The following CEP120 variants were observed in gnomAD, a reference collection of about 807,000 sequenced individuals.
The protein encoded by CEP120 is centrosomal protein of 120 kDa.
In CEP120, 113 loss-of-function variants were observed where a neutral mutation model predicts 126.5. That is an observed-to-expected ratio of 0.89 (90% CI 0.77 to 1.04). The LOEUF is 1.04. Ranked by LOEUF, CEP120 falls within the 50% of genes least tolerant of loss-of-function variation. The pLI, the probability that CEP120 is intolerant of heterozygous loss-of-function variation, is 0.00. For synonymous variants in CEP120, 400 were observed against 394.3 expected (o/e 1.01, Z -0.17); for missense variants, 1,230 against 1,155.7 (o/e 1.06, Z -0.93).
intron 5 of CEP120, among the ~76,000 whole-genome samples, chr5:123,394,504 T>G (rs1362085465): frequency 6.6e-6 from 1 of 152,170 alleles, no homozygotes; most frequent in East Asian, 1.9e-4. Flanking sequence ...TAATGCTCAC[T>G]TGCCCGCTGC....
intron 18 of CEP120, among the ~76,000 whole-genome samples, chr5:123,360,200 T>C (rs539627268): frequency 2.0e-5 from 3 of 152,098 alleles, no homozygotes. Flanking sequence ...AATGTGTTTT[T>C]AATAAAAAGT....
intron 4 of CEP120, among the ~76,000 whole-genome samples, chr5:123,406,587 A>G (rs549451821): frequency 8.2e-5 from 3 of 36,492 alleles, no homozygotes; most frequent in Admixed American, 2.8e-4. Flanking sequence ...CAATGTTGAG[A>G]AAAAAAAAAA....
At chr5:123,412,586 A>G in intron 3 of CEP120, 46 bp from the exon 4 acceptor site, 1 of 1,395,422 alleles carries the variant, frequency 7.2e-7, no homozygotes, top group Non-Finnish European at 9.8e-7. Context: ...TAATAAGGGA[A>G]AAAACATATT....
intron 16 of CEP120, among the ~76,000 whole-genome samples, chr5:123,376,573 TACA>T (rs1377997288): frequency 6.6e-6 from 1 of 152,088 alleles, no homozygotes; most frequent in Non-Finnish European, 1.5e-5. Flanking sequence ...TCATTCTGGC[TACA>T]ACATGAGGAG....
chr5:123,391,513 G>C (rs546585289), intron 6 of CEP120, among the ~76,000 whole-genome samples, 176 bp from the exon 7 acceptor site: 1 of 152,206 alleles, frequency 6.6e-6, no homozygotes, highest in African/African-American at 2.4e-5. Flanking sequence ...GTTAAAACTG[G>C]TGATAAAACA....
chr5:123,422,348 A>C, intron 1 of CEP120: 1 of 651,562 alleles, frequency 1.5e-6, no homozygotes, highest in Non-Finnish European at 2.6e-6. Flanking sequence ...TTGCTGACAC[A>C]CTCTCCTTGC....
chr5:123,374,877 T>C (rs1016203961), intron 16 of CEP120, among the ~76,000 whole-genome samples: 12 of 152,162 alleles, frequency 7.9e-5, no homozygotes, highest in African/African-American at 2.7e-4. Flanking sequence ...AATTGGGCTA[T>C]AAAGCAGTAA....
In CEP120 at chr5:123,422,557, T is replaced by G. The variant is rs767289496; in HGVS notation, c.49+393A>C. ...GTAAAGGGAATTGCCTCCGGAACAC[T>G]TCTGGAATCGCAGGAAGCCTGTATT... On this transcript the variant is annotated intron_variant, in intron 1 of 19. Coordinates refer to ENST00000306467, the MANE Select transcript of CEP120 (RefSeq NM_001375405.1). 3.9e-6 allele frequency: 6 copies of G among 1,535,432 alleles called. 1 individual carries two copies. In the South Asian group the frequency reaches 7.1e-5, roughly 18 times the overall value.
intron 18 of CEP120, among the ~76,000 whole-genome samples, chr5:123,359,564 A>G (rs1190629829): frequency 6.6e-6 from 1 of 152,030 alleles, no homozygotes; most frequent in Non-Finnish European, 1.5e-5. Context: ...GAAGAAGAAA[A>G]AAAGCAAACT....
rs777889367 is a variant in CEP120, at chr5:123,412,399, C to A, written c.463G>T (p.Val155Leu). 1 of 1,595,006 alleles carries A rather than the reference C, an allele frequency of 6.3e-7. No individual in the cohort carries two copies. Among genetic ancestry groups the A allele is most frequent in the Non-Finnish European group, 8.5e-7 (1 of 1,174,214 alleles). The change falls in exon 4 of 20, where the codon GTA becomes TTA. Residue 155 changes from valine to leucine, a missense_variant and splice_region_variant. Val to Leu is a conservative substitution (Grantham distance 32). Transcript: ENST00000306467. ...ATGTTTTTAGAGATGATGCACAAACCTTTTCCATCTCGAGGGGGAGCCCCC... is the reference window on the plus strand; with the variant it reads ...ATGTTTTTAGAGATGATGCACAAACATTTTCCATCTCGAGGGGGAGCCCCC... ...AKGAPPRDGK[V>L]PAILAGLDPR...
chr5:123,401,604 A>T, intron 4 of CEP120: 1 of 1,414,092 alleles, frequency 7.1e-7, no homozygotes, highest in South Asian at 1.1e-5. Flanking sequence ...TTGTCCATGG[A>T]CAGCACCACA....
intron 6 of CEP120, among the ~76,000 whole-genome samples, chr5:123,392,566 A>G (rs1332727208): frequency 1.3e-5 from 2 of 152,174 alleles, no homozygotes; most frequent in African/African-American, 2.4e-5. Context: ...GCTGGAGTAC[A>G]CTGGTGTGAT....
At chr5:123,374,576 C>A (rs1227674720) in intron 16 of CEP120, among the ~76,000 whole-genome samples, 1 of 151,880 alleles carries the variant, frequency 6.6e-6, no homozygotes, top group Admixed American at 6.6e-5. Context: ...TTGTCTCTTC[C>A]CTAAGGCATA....
upstream of CEP120, among the ~76,000 whole-genome samples, chr5:123,423,815 C>T (rs915649982): frequency 3.9e-5 from 6 of 152,050 alleles, no homozygotes; most frequent in Non-Finnish European, 8.8e-5. Flanking sequence ...CACGCGGCAC[C>T]TCAAATTTCC....
At chr5:123,416,614 G>T (rs1379027417) in intron 2 of CEP120, among the ~76,000 whole-genome samples, 1 of 151,550 alleles carries the variant, frequency 6.6e-6, no homozygotes, top group Non-Finnish European at 1.5e-5. Flanking sequence ...AAACAGGTAA[G>T]AACTATTAAT....
chr5:123,397,789 A>G (rs185689705), intron 5 of CEP120, among the ~76,000 whole-genome samples: 1 of 152,144 alleles, frequency 6.6e-6, no homozygotes, highest in Non-Finnish European at 1.5e-5. Context: ...TGTTCCTCTA[A>G]GAAAGTAAAT....
chr5:123,422,433 C>A, intron 1 of CEP120: 2 of 1,308,454 alleles, frequency 1.5e-6, no homozygotes, highest in South Asian at 2.5e-5. Flanking sequence ...CTCAATGAGT[C>A]CCAATAAACC....
chr5:123,422,961 G>T lies in CEP120; in HGVS notation c.38C>A (p.Ser13Tyr), dbSNP rs772928146. 8.1e-6 allele frequency: 13 copies of T among 1,614,182 alleles called. No individual in the cohort carries two copies. In the South Asian group the frequency reaches 1.4e-4, roughly 18 times the overall value. ...CTCAGGCTGCTCACCTTCTAGGATG[G>T]ACACGACGATGAGCAATTGGTCGGA... ...SKSDQLLIVV[S>Y]ILEGRHFPKR... The change falls in exon 1 of 20, where the codon TCC becomes TAC. Residue 13 changes from serine (S) to tyrosine (Y), a missense_variant. Ser to Tyr is a moderately radical substitution (Grantham distance 144, BLOSUM62 -2). Coordinates refer to ENST00000306467, the MANE Select transcript of CEP120 (RefSeq NM_001375405.1).
At chr5:123,415,778 G>A (rs1413956308) in intron 3 of CEP120, among the ~76,000 whole-genome samples, 1 of 152,058 alleles carries the variant, frequency 6.6e-6, no homozygotes, top group Non-Finnish European at 1.5e-5. Flanking sequence ...GGCTAAGGCA[G>A]GGAGAATTGC....
Sources: gnomAD v4.1 joint callset for allele counts (sites outside exome capture counted in the v4.1 genomes callset) on GRCh38, gnomAD v4.1.1 for gene constraint, MANE v1.5 for transcripts, NCBI Gene and HGNC (gene_info 2026-07-23, HGNC 2026-07-21) for gene names.